PCDHGB2: variants seen among roughly 807,000 people sequenced by gnomAD.
PCDHGB2 encodes protocadherin gamma-B2.
Under a neutral mutation model 59.3 loss-of-function variants are expected in PCDHGB2, and 55 were observed. The ratio of observed to expected loss-of-function variants is 0.93; its 90% CI spans 0.75 to 1.16. The LOEUF (loss-of-function observed/expected upper bound fraction) is 1.16, where lower values mean the gene tolerates loss of function less well. Ranked by LOEUF, PCDHGB2 falls within the 50% of genes most tolerant of loss-of-function variation. The pLI, the probability that PCDHGB2 is intolerant of heterozygous loss-of-function variation, is 0.00. For synonymous variants in PCDHGB2, 516 were observed against 512.0 expected, an observed-to-expected ratio of 1.01 and a Z score of -0.11; for missense variants, 1,228 against 1,198.5, an observed-to-expected ratio of 1.02 and a Z score of -0.36.
intron 1 of PCDHGB2, among the ~76,000 whole-genome samples, chr5:141,405,967 G>A (rs76683972): frequency 6.6e-6 from 1 of 152,068 alleles, no homozygotes; most frequent in Non-Finnish European, 1.5e-5. Flanking sequence ...TGCTGTCAAC[G>A]TAAACCATAC....
At chr5:141,382,796 G>T (rs1271325084) in intron 1 of PCDHGB2, 1 of 990,558 alleles carries the variant, frequency 1.0e-6, no homozygotes, top group Non-Finnish European at 1.5e-6. Context: ...CTATCCTGCT[G>T]GATTCTGAGC....
intron 2 of PCDHGB2, 40 bp from the exon 3 acceptor site, chr5:141,505,353 G>T (rs376781305): frequency 1.7e-5 from 27 of 1,613,426 alleles, no homozygotes; most frequent in Non-Finnish European, 2.0e-5. Flanking sequence ...GAGCTGTGCC[G>T]GCCTGGGAGT....
intron 1 of PCDHGB2, among the ~76,000 whole-genome samples, chr5:141,373,599 T>A (rs1769720123): frequency 6.6e-6 from 1 of 152,236 alleles, no homozygotes; most frequent in Non-Finnish European, 1.5e-5. Flanking sequence ...GTGATGATAA[T>A]TCAAAATTTA....
intron 1 of PCDHGB2, among the ~76,000 whole-genome samples, chr5:141,460,682 T>A (rs957470916): frequency 3.3e-5 from 5 of 152,134 alleles, no homozygotes; most frequent in African/African-American, 1.2e-4. Flanking sequence ...TATATCTATA[T>A]ATCCACCAAC....
At chr5:141,399,798 G>C in intron 1 of PCDHGB2, 1 of 1,613,236 alleles carries the variant, frequency 6.2e-7, no homozygotes, top group Non-Finnish European at 8.5e-7. Flanking sequence ...ACGCACCGCG[G>C]GTGCTGTACC....
At chr5:141,468,409 A>G (rs183146641) in intron 1 of PCDHGB2, 1 of 152,230 alleles carries the variant, frequency 6.6e-6, no homozygotes, top group East Asian at 1.9e-4. Flanking sequence ...AACTAATAAT[A>G]AGTTAGATAG....
chr5:141,469,756 A>G (rs2099210350), intron 1 of PCDHGB2, among the ~76,000 whole-genome samples: 1 of 152,252 alleles, frequency 6.6e-6, no homozygotes. Context: ...ACAAAAATAC[A>G]TATATACCAG....
chr5:141,374,837 C>T (rs1240795815), intron 1 of PCDHGB2: 1 of 1,613,766 alleles, frequency 6.2e-7, no homozygotes, highest in Non-Finnish European at 8.5e-7. Flanking sequence ...TGTAAGTGTT[C>T]CTGAAAACCT....
chr5:141,365,232 T>A (rs762059066), intron 1 of PCDHGB2: 2 of 1,613,878 alleles, frequency 1.2e-6, no homozygotes, highest in East Asian at 4.5e-5. Flanking sequence ...CTGGGGGAAA[T>A]CTCAACTCTA....
chr5:141,393,630 A>T (rs1298038670), intron 1 of PCDHGB2: 7 of 1,613,976 alleles, frequency 4.3e-6, no homozygotes, highest in Non-Finnish European at 5.9e-6. Flanking sequence ...GGATGAGGGA[A>T]TCAACGGAAA....
At chr5:141,408,220 G>C (rs2095061412) in intron 1 of PCDHGB2, 1 of 1,558,876 alleles carries the variant, frequency 6.4e-7, no homozygotes, top group Non-Finnish European at 8.7e-7. Flanking sequence ...GGAGCTGCGC[G>C]CAGAGGCGCC....
chr5:141,415,147 C>T (rs779194230), intron 1 of PCDHGB2: 17 of 1,613,668 alleles, frequency 1.1e-5, no homozygotes, highest in African/African-American at 1.3e-5. Context: ...CCAGCCCCCT[C>T]TCTCCGCCAC....
At chr5:141,369,451 A>G (rs1235926631) in intron 1 of PCDHGB2, among the ~76,000 whole-genome samples, 3 of 152,150 alleles carry the variant, frequency 2.0e-5, no homozygotes, top group African/African-American at 7.2e-5. Context: ...AGGATTGCTT[A>G]AAGCCAGGTG....
chr5:141,374,735 G>A (rs760557076), intron 1 of PCDHGB2: 1 of 1,610,874 alleles, frequency 6.2e-7, no homozygotes. Flanking sequence ...CATGGATGGC[G>A]GCGACCCTGT....
chr5:141,417,975 A>C, intron 1 of PCDHGB2: 3 of 1,613,724 alleles, frequency 1.9e-6, no homozygotes, highest in Non-Finnish European at 2.5e-6. Context: ...TCGATTCCGG[A>C]GGAGCTGGCC....
intron 1 of PCDHGB2, among the ~76,000 whole-genome samples, chr5:141,469,951 T>C (rs1467717372): frequency 6.6e-6 from 1 of 152,034 alleles, no homozygotes; most frequent in African/African-American, 2.4e-5. Flanking sequence ...GCCAGCATGG[T>C]GAAACCCCAT....
chr5:141,478,711 T>A, intron 1 of PCDHGB2: 1 of 1,547,346 alleles, frequency 6.5e-7, no homozygotes, highest in Non-Finnish European at 8.7e-7. Flanking sequence ...CTTTGTGAGA[T>A]GGTGGCCTGC....
intron 1 of PCDHGB2, chr5:141,383,390 C>A: frequency 6.2e-7 from 1 of 1,614,006 alleles, no homozygotes; most frequent in South Asian, 1.1e-5. Flanking sequence ...GATGTGGGCA[C>A]GAACTCCCTC....
At chr5:141,384,266 C>A in intron 1 of PCDHGB2, 1 of 1,613,876 alleles carries the variant, frequency 6.2e-7, no homozygotes, top group Non-Finnish European at 8.5e-7. Context: ...CCCCACTCAT[C>A]CTACTCAGTC....
Sources: allele counts gnomAD v4.1 joint callset (sites outside exome capture counted in the v4.1 genomes callset), GRCh38; gene constraint gnomAD v4.1.1; transcripts MANE v1.5; gene names NCBI Gene and HGNC (gene_info 2026-07-23, HGNC 2026-07-21).